Variants in STMN2 observed in about 807,000 individuals in gnomAD.
STMN2 encodes the protein stathmin-2.
A neutral mutation model predicts 24.1 loss-of-function variants in STMN2; 2 were observed. The observed-to-expected ratio is 0.08, with a 90% CI of 0.03 to 0.26. STMN2 has a LOEUF of 0.26. Ranked by LOEUF, STMN2 falls within the 10% of genes least tolerant of loss-of-function variation. STMN2 has a pLI of 1.00. For synonymous variants in STMN2, 83 were observed against 77.5 expected, an observed-to-expected ratio of 1.07 and a Z score of -0.37; for missense variants, 114 against 213.6, an observed-to-expected ratio of 0.53 and a Z score of 2.91.
At chr8:79,637,025 G>A in intron 2 of STMN2, 128 bp downstream of exon 2, 2 of 841,124 alleles carry the variant, frequency 2.4e-6, no homozygotes, top group Non-Finnish European at 3.8e-6. Flanking sequence ...GACTTGCCGT[G>A]TCTAGCTATT....
intron 1 of STMN2, among the ~76,000 whole-genome samples, chr8:79,635,962 A>G (rs1809938786): frequency 6.6e-6 from 1 of 152,226 alleles, no homozygotes; most frequent in Non-Finnish European, 1.5e-5. Flanking sequence ...CACACCTGTA[A>G]TCCCAGCACT....
chr8:79,645,103 C>A (rs1810191268), intron 3 of STMN2, among the ~76,000 whole-genome samples: 1 of 150,088 alleles, frequency 6.7e-6, no homozygotes, highest in South Asian at 2.1e-4. Flanking sequence ...TGCAGTGAAC[C>A]AAGATGGTAC....
rs565713256 is a variant in STMN2 at position 79,630,708 on chromosome 8, T to C, written c.20-6094T>C. 2.0e-5 allele frequency among the ~76,000 whole-genome samples: 3 copies of C among 152,336 alleles called. 1 individual carries two copies. The highest frequency in any genetic ancestry group is 4.4e-5 in the Non-Finnish European group (3 of 68,018). On this transcript the variant is annotated intron_variant, in intron 1 of 4. Transcript: ENST00000220876. Reference sequence around the variant, plus strand: ...CAGAGAATGTCATGGCAGCCTCAAATTGCTGCTCAGGAGCATCCCAGCTTA... The same window carrying C: ...CAGAGAATGTCATGGCAGCCTCAAACTGCTGCTCAGGAGCATCCCAGCTTA...
At chr8:79,611,427 G>A (rs1205103012) in intron 1 of STMN2, among the ~76,000 whole-genome samples, 3 of 152,186 alleles carry the variant, frequency 2.0e-5, no homozygotes, top group Non-Finnish European at 4.4e-5. Context: ...TTAAAAGGTA[G>A]AAGCGGGTAA....
chr8:79,648,232 A>G (rs1253544909), intron 3 of STMN2, among the ~76,000 whole-genome samples: 1 of 152,228 alleles, frequency 6.6e-6, no homozygotes, highest in Non-Finnish European at 1.5e-5. Flanking sequence ...GTCAATCTGT[A>G]AAATGAGACT....
chr8:79,620,952 C>T (rs1368744997), intron 1 of STMN2: 1 of 985,008 alleles, frequency 1.0e-6, no homozygotes, highest in African/African-American at 1.7e-5. Flanking sequence ...TGGAGTAGAC[C>T]TAAAACAGCA....
chr8:79,632,738 C>A (rs1285487523), intron 1 of STMN2, among the ~76,000 whole-genome samples: 1 of 152,174 alleles, frequency 6.6e-6, no homozygotes, highest in African/African-American at 2.4e-5. Flanking sequence ...ACTTCTTTTA[C>A]ACACAGCATT....
At chr8:79,651,846 T>C (rs1810339389) in intron 3 of STMN2, among the ~76,000 whole-genome samples, 1 of 152,184 alleles carries the variant, frequency 6.6e-6, no homozygotes, top group African/African-American at 2.4e-5. Flanking sequence ...AAACCCAGGC[T>C]TTCCAAATAC....
chr8:79,647,816 T>C (rs1039258151), intron 3 of STMN2, among the ~76,000 whole-genome samples: 2 of 152,244 alleles, frequency 1.3e-5, no homozygotes, highest in Non-Finnish European at 2.9e-5. Context: ...TTGAACCTCA[T>C]CTCTTGAAAT....
chr8:79,652,847 C>G (rs1355757796), intron 3 of STMN2, among the ~76,000 whole-genome samples: 1 of 151,992 alleles, frequency 6.6e-6, no homozygotes, highest in Non-Finnish European at 1.5e-5. Context: ...ACCTCTCTCC[C>G]TGTAACAATT....
chr8:79,621,798 T>C (rs1160186766), intron 1 of STMN2, among the ~76,000 whole-genome samples: 1 of 152,206 alleles, frequency 6.6e-6, no homozygotes, highest in East Asian at 1.9e-4. Context: ...GTACTTACTT[T>C]GCTTCTAGTC....
At chr8:79,654,807 G>A (rs1810412174) in intron 3 of STMN2, 64 bp from the exon 4 acceptor site, 1 of 1,534,150 alleles carries the variant, frequency 6.5e-7, no homozygotes. Context: ...TCCAATTGGT[G>A]GGCCGTTATT....
intron 1 of STMN2, among the ~76,000 whole-genome samples, chr8:79,626,472 G>C (rs2130320325): frequency 6.6e-6 from 1 of 152,264 alleles, no homozygotes; most frequent in African/African-American, 2.4e-5. Context: ...ATGTGGTAAG[G>C]GCCAAGGAAA....
In STMN2 at chr8:79,664,999, AAAAC is replaced by A. The variant is rs1402506264; in HGVS notation, c.*129_*132del. The A allele has an allele frequency of 1.6e-5, 14 of 886,906 alleles. No homozygotes were observed. The highest frequency in any genetic ancestry group is 5.3e-5 in the African/African-American group (3 of 56,686). The allele number at this position is 886,906 out of a possible 1,614,324, so 54.9% of individuals were successfully genotyped here. ...AAAAAGAACTCATTATAAAAAAAAA[AAAAC>A]AAAAAAAATCAAAAATTAAAAAAAA... is the stretch of plus-strand genomic sequence containing the variant. On this transcript the variant is annotated 3_prime_UTR_variant, in exon 5 of 5. Coordinates refer to ENST00000220876, the MANE Select transcript of STMN2 (RefSeq NM_007029.4).
chr8:79,665,254 A>G lies in STMN2; in HGVS notation c.*380A>G, dbSNP rs1296647792. 1 of 166,132 alleles carries G rather than the reference A, an allele frequency of 6.0e-6. No individual in the cohort carries two copies. Among genetic ancestry groups the G allele is most frequent in the Non-Finnish European group, 1.3e-5 (1 of 77,432 alleles). 10.3% of individuals were successfully genotyped at this position (166,132 alleles called of 1,614,324 possible). ...GCTCCCCATGTCTAACTCCATTCCA[A>G]AAGAAAAATGAGGTCAGTAGACAGT... On this transcript the variant is annotated 3_prime_UTR_variant, in exon 5 of 5. Coordinates refer to ENST00000220876, the MANE Select transcript of STMN2 (RefSeq NM_007029.4).
intron 1 of STMN2, among the ~76,000 whole-genome samples, chr8:79,619,371 G>T (rs925776582): frequency 6.6e-6 from 1 of 152,002 alleles, no homozygotes; most frequent in Admixed American, 6.6e-5. Flanking sequence ...GTCTTTGGAA[G>T]TTTTTTTTCC....
chr8:79,663,579 G>A, intron 4 of STMN2: 2 of 1,521,016 alleles, frequency 1.3e-6, no homozygotes, highest in Non-Finnish European at 1.8e-6. Context: ...TTACTTTATA[G>A]CTGGTCAAGT....
chr8:79,629,038 A>C (rs1404844731), intron 1 of STMN2, among the ~76,000 whole-genome samples: 1 of 152,194 alleles, frequency 6.6e-6, no homozygotes, highest in African/African-American at 2.4e-5. Context: ...ACAAAAAAGC[A>C]ATTTTCAATG....
intron 2 of STMN2, among the ~76,000 whole-genome samples, chr8:79,641,104 T>C (rs1810086175): frequency 6.6e-6 from 1 of 152,210 alleles, no homozygotes; most frequent in Non-Finnish European, 1.5e-5. Flanking sequence ...GCTATTTTTA[T>C]CTAAGTATGC....
Sources: gnomAD v4.1 joint callset for allele counts (sites outside exome capture counted in the v4.1 genomes callset) on GRCh38, gnomAD v4.1.1 for gene constraint, MANE v1.5 for transcripts, NCBI Gene and HGNC (gene_info 2026-07-23, HGNC 2026-07-21) for gene names.